TMTC2: variants seen among roughly 807,000 people sequenced by gnomAD.
The protein encoded by TMTC2 is protein O-mannosyl-transferase TMTC2.
In TMTC2, 43 loss-of-function variants were observed where a neutral mutation model predicts 82.4. The observed-to-expected ratio is 0.52, with a 90% CI of 0.41 to 0.67. The LOEUF is 0.67. Among genes scored for constraint, TMTC2 ranks in the 30% least tolerant of loss-of-function variants. The pLI is 0.00. For missense variants in TMTC2, 919 were observed against 1,012.4 expected (o/e 0.91, Z 1.25); for synonymous variants, 408 against 381.9 (o/e 1.07, Z -0.80).
chr12:82,809,875 CGTCTA>C (rs1879409927), intron 1 of TMTC2, among the ~76,000 whole-genome samples: 1 of 152,238 alleles, frequency 6.6e-6, no homozygotes, highest in East Asian at 1.9e-4. Context: ...ATATTTGATA[CGTCTA>C]GTATTTCATC....
chr12:82,698,290 T>A (rs770480498), intron 1 of TMTC2, among the ~76,000 whole-genome samples: 26 of 152,282 alleles, frequency 1.7e-4, no homozygotes, highest in South Asian at 1.4e-3. Context: ...AAGATTACAG[T>A]TTTAGTCTTG....
At chr12:82,829,111 T>C (rs185845178) in intron 1 of TMTC2, among the ~76,000 whole-genome samples, 2 of 152,272 alleles carry the variant, frequency 1.3e-5, no homozygotes, top group South Asian at 2.1e-4. Context: ...TTAAAACACT[T>C]TTAATTTCCT....
rs1462288428 is a variant in TMTC2 at position 82,845,243 on chromosome 12, AAAAAAAAAAAT to A, written c.84-11765_84-11755del. ...GACTGTCTCAAAAAAAAAAAAAAAA[AAAAAAAAAAAT>A]ATATATATATATATATATATTGAAC... On this transcript the variant is annotated intron_variant, in intron 1 of 11. Transcript: ENST00000321196. 4.3e-3 allele frequency among the ~76,000 whole-genome samples: 560 copies of A among 130,044 alleles called. 1 individual carries two copies. The highest frequency in any genetic ancestry group is 0.016 in the African/African-American group (527 of 32,472). The allele number at this position is 130,044 out of a possible 152,430, so 85.3% of individuals were successfully genotyped here.
chr12:83,087,806 C>CAAG (rs78197527), intron 11 of TMTC2, among the ~76,000 whole-genome samples: 29,770 of 151,978 alleles, frequency 0.2, 3,761 homozygotes, highest in African/African-American at 0.35. Context: ...TTATAGAGCA[C>CAAG]AAGAGGAGAT....
At chr12:82,968,065 T>G (rs1227668159) in intron 7 of TMTC2, among the ~76,000 whole-genome samples, 3 of 152,106 alleles carry the variant, frequency 2.0e-5, no homozygotes, top group Non-Finnish European at 4.4e-5. Flanking sequence ...AGAAATAGTT[T>G]AGAGATAGGC....
intron 9 of TMTC2, among the ~76,000 whole-genome samples, chr12:83,040,171 T>G (rs1881834057): frequency 6.6e-6 from 1 of 152,224 alleles, no homozygotes; most frequent in African/African-American, 2.4e-5. Context: ...AGTGGCACAT[T>G]GAAGTCCCTA....
At chr12:83,004,611 A>G (rs75224750) in intron 8 of TMTC2, among the ~76,000 whole-genome samples, 4,093 of 149,278 alleles carry the variant, frequency 0.027, 81 homozygotes, top group Non-Finnish European at 0.043. Flanking sequence ...ATATGTATCT[A>G]TTCATTTGGC....
chr12:83,082,717 C>T (rs1354806320), intron 11 of TMTC2, among the ~76,000 whole-genome samples: 2 of 152,160 alleles, frequency 1.3e-5, no homozygotes, highest in Non-Finnish European at 2.9e-5. Context: ...TATAAAAAAG[C>T]TGTTCACTCC....
chr12:82,969,155 C>T (rs1223738636), intron 7 of TMTC2, among the ~76,000 whole-genome samples: 2 of 152,174 alleles, frequency 1.3e-5, no homozygotes, highest in Admixed American at 6.5e-5. Flanking sequence ...AGATAAGCTG[C>T]CCTATCAGTT....
At chr12:83,027,517 G>GA (rs140024287) in intron 8 of TMTC2, among the ~76,000 whole-genome samples, 26,577 of 150,870 alleles carry the variant, frequency 0.18, 2,439 homozygotes, top group Middle Eastern at 0.25. Context: ...TGCTGATGAG[G>GA]AAAAAAAAAT....
intron 1 of TMTC2, among the ~76,000 whole-genome samples, chr12:82,830,705 T>G (rs1248855235): frequency 6.6e-6 from 1 of 152,160 alleles, no homozygotes; most frequent in East Asian, 1.9e-4. Flanking sequence ...AATCTAAATG[T>G]CAGGGCAATG....
At chr12:83,126,533 T>C (rs1466438293) in intron 11 of TMTC2, among the ~76,000 whole-genome samples, 1 of 152,152 alleles carries the variant, frequency 6.6e-6, no homozygotes, top group East Asian at 1.9e-4. Context: ...TCTGTCAGAA[T>C]TATTTAAGTA....
At chr12:82,690,660 A>G (rs1039247962) in intron 1 of TMTC2, among the ~76,000 whole-genome samples, 17 of 152,210 alleles carry the variant, frequency 1.1e-4, no homozygotes, top group African/African-American at 4.1e-4. Flanking sequence ...AGAAGAATTC[A>G]CAGTATCTGA....
chr12:82,969,592 T>C (rs1042007889), intron 7 of TMTC2, among the ~76,000 whole-genome samples: 1 of 152,200 alleles, frequency 6.6e-6, no homozygotes. Flanking sequence ...ACATGCTATA[T>C]ACCTTATGCC....
intron 7 of TMTC2, among the ~76,000 whole-genome samples, chr12:82,984,498 TC>T (rs1219819625): frequency 2.6e-5 from 4 of 152,114 alleles, no homozygotes; most frequent in African/African-American, 9.7e-5. Flanking sequence ...AATGAGTTCT[TC>T]CTTTGAAGCA....
chr12:82,971,925 A>T (rs1041831052), intron 7 of TMTC2, among the ~76,000 whole-genome samples: 4 of 152,156 alleles, frequency 2.6e-5, no homozygotes, highest in Non-Finnish European at 4.4e-5. Flanking sequence ...GAGATTTCAC[A>T]GTTGGTCCAG....
At chr12:82,997,221 C>CTCTCTCTCTCTCTCTATATA (rs1451262969) in intron 8 of TMTC2, among the ~76,000 whole-genome samples, 8 of 118,542 alleles carry the variant, frequency 6.7e-5, no homozygotes, top group African/African-American at 2.6e-4. Flanking sequence ...CTCTCTCTCT[C>CTCTCTCTCTCTCTCTATATA]TATATATATA....
chr12:82,696,334 A>G lies in TMTC2; in HGVS notation c.83+8665A>G, dbSNP rs151136675. 7.9e-3 allele frequency among the ~76,000 whole-genome samples: 1,203 copies of G among 152,342 alleles called. 6 individuals carry two copies. The highest frequency in any genetic ancestry group is 0.012 in the Non-Finnish European group (826 of 68,026). ...AGGTTATTCTTGTTATTCTAGTGAA[A>G]GAAAAAAAATATGGTACTGAATTAT... On this transcript the variant is annotated intron_variant, in intron 1 of 11. Coordinates refer to ENST00000321196, the MANE Select transcript of TMTC2 (RefSeq NM_152588.3).
chr12:82,784,831 A>G (rs1185799438), intron 1 of TMTC2, among the ~76,000 whole-genome samples: 1 of 152,020 alleles, frequency 6.6e-6, no homozygotes, highest in African/African-American at 2.4e-5. Context: ...TTATTACAGA[A>G]TTCTGCCCTG....
Sources: gnomAD v4.1 joint callset for allele counts (sites outside exome capture counted in the v4.1 genomes callset) on GRCh38, gnomAD v4.1.1 for gene constraint, MANE v1.5 for transcripts, NCBI Gene and HGNC (gene_info 2026-07-23, HGNC 2026-07-21) for gene names.